Variants in TAMM41 observed in about 807,000 individuals in gnomAD.
TAMM41 encodes phosphatidate cytidylyltransferase, mitochondrial.
TAMM41 carries 36 observed loss-of-function variants against 44.1 expected under a neutral mutation model. That is an observed-to-expected ratio of 0.82 (90% CI 0.63 to 1.08). The LOEUF (loss-of-function observed/expected upper bound fraction) is 1.08, where lower values mean the gene tolerates loss of function less well. Among genes scored for constraint, TAMM41 ranks in the 50% least tolerant of loss-of-function variants. The pLI is 0.00. For missense variants in TAMM41, 417 were observed against 404.3 expected (o/e 1.03, Z -0.27); for synonymous variants, 164 against 153.1 (o/e 1.07, Z -0.53).
chr3:11,841,490 G>A (rs1455127955), intron 2 of TAMM41, among the ~76,000 whole-genome samples: 1 of 152,156 alleles, frequency 6.6e-6, no homozygotes, highest in Admixed American at 6.5e-5. Context: ...CTGAACCTCA[G>A]TATCCAAACA....
At chr3:11,836,925 G>A (rs1167146547) in intron 3 of TAMM41, among the ~76,000 whole-genome samples, 1 of 152,236 alleles carries the variant, frequency 6.6e-6, no homozygotes, top group Non-Finnish European at 1.5e-5. Context: ...ATTTCAGTAA[G>A]CCTATCATTT....
chr3:11,786,768 T>G (rs1032724881), downstream of TAMM41, among the ~76,000 whole-genome samples: 1 of 151,882 alleles, frequency 6.6e-6, no homozygotes, highest in Non-Finnish European at 1.5e-5. Context: ...ATTTTAAAGT[T>G]TTTGTAGAGA....
At chr3:11,823,147 T>C (rs2125007857) in intron 4 of TAMM41, among the ~76,000 whole-genome samples, 1 of 152,358 alleles carries the variant, frequency 6.6e-6, no homozygotes. Flanking sequence ...TAACAACTTT[T>C]CATGTGCTTA....
chr3:11,795,534 A>T (rs923870342), intron 7 of TAMM41, among the ~76,000 whole-genome samples: 1 of 152,172 alleles, frequency 6.6e-6, no homozygotes, highest in Non-Finnish European at 1.5e-5. Context: ...CTCCCTCGCA[A>T]TAGGTTTACT....
chr3:11,767,626 AT>A, the TAMM41 span, among the ~76,000 whole-genome samples: 117 of 60,700 alleles, frequency 1.9e-3, 10 homozygotes, highest in Admixed American at 5.6e-3. Flanking sequence ...CACGTTGTGC[AT>A]TTTTTTTTTT....
the TAMM41 span, among the ~76,000 whole-genome samples, chr3:11,764,801 C>T: frequency 6.6e-6 from 1 of 152,102 alleles, no homozygotes; most frequent in East Asian, 1.9e-4. Context: ...CCATCTTACT[C>T]TTTTTCAATA....
rs142267918 is a variant in TAMM41, at chr3:11,846,638, G to A, written c.-2C>T. On this transcript the variant is annotated 5_prime_UTR_variant, in exon 1 of 8. Coordinates refer to ENST00000455809, the MANE Select transcript of TAMM41 (RefSeq NM_001284401.2). ...GCTCTGCAGCGTCTGCAGCGCCATGGGGTCGAGGCTAACAGGGGACACTCA... is the reference window on the plus strand; with the variant it reads ...GCTCTGCAGCGTCTGCAGCGCCATGAGGTCGAGGCTAACAGGGGACACTCA... 1 of 1,614,184 alleles carries A rather than the reference G, an allele frequency of 6.2e-7. No homozygotes were observed. The highest frequency in any genetic ancestry group is 1.3e-5 in the African/African-American group (1 of 75,056).
In TAMM41 at chr3:11,832,364, G is replaced by A. The variant is rs553581203; in HGVS notation, c.412-2500C>T. On this transcript the variant is annotated intron_variant, in intron 3 of 7. Transcript: ENST00000455809. ...GCCAATTACTACGTTGAAGGCAGGC[G>A]AATGATGTGAAGTGTAAGCACGGTA... 1.2e-3 allele frequency among the ~76,000 whole-genome samples: 190 copies of A among 152,090 alleles called. 1 individual carries two copies. Among genetic ancestry groups the A allele is most frequent in the Admixed American group, 4.1e-3 (62 of 15,278 alleles).
downstream of TAMM41, among the ~76,000 whole-genome samples, chr3:11,785,471 AC>A (rs1484894665): frequency 6.6e-6 from 1 of 151,788 alleles, no homozygotes; most frequent in African/African-American, 2.4e-5. Flanking sequence ...GACTACAGGC[AC>A]CCCCTACCAT....
intron 5 of TAMM41, 145 bp downstream of exon 5, chr3:11,817,047 A>T: frequency 1.2e-6 from 1 of 800,778 alleles, no homozygotes; most frequent in Non-Finnish European, 1.8e-6. Flanking sequence ...TATTCCAGAT[A>T]CACAGAAGCC....
At chr3:11,775,221 C>T in the TAMM41 span, among the ~76,000 whole-genome samples, 1 of 8,264 alleles carries the variant, frequency 1.2e-4, no homozygotes. Flanking sequence ...GGTTGGGGGA[C>T]ACACAAATTC....
At chr3:11,794,722 T>C (rs752393301) in intron 7 of TAMM41, among the ~76,000 whole-genome samples, 17 of 152,178 alleles carry the variant, frequency 1.1e-4, no homozygotes, top group Non-Finnish European at 2.1e-4. Flanking sequence ...CGTAAGACTA[T>C]GAACTCCCCG....
the TAMM41 span, among the ~76,000 whole-genome samples, chr3:11,773,990 G>A: frequency 6.6e-6 from 1 of 152,184 alleles, no homozygotes; most frequent in East Asian, 1.9e-4. Flanking sequence ...TTGGGAGGCT[G>A]AGGCAGGAGA....
intron 1 of TAMM41, chr3:11,845,066 A>G: frequency 2.2e-6 from 1 of 448,778 alleles, no homozygotes; most frequent in Non-Finnish European, 4.5e-6. Flanking sequence ...TATGGGAGCC[A>G]GCATGTTCTG....
intron 7 of TAMM41, among the ~76,000 whole-genome samples, chr3:11,791,477 G>A (rs747261583): frequency 6.6e-6 from 1 of 152,178 alleles, no homozygotes; most frequent in South Asian, 2.1e-4. Context: ...CCTTTGTGTT[G>A]AGGGTGGGAT....
intron 5 of TAMM41, among the ~76,000 whole-genome samples, chr3:11,815,473 G>GA (rs1575649490): frequency 6.6e-6 from 1 of 152,064 alleles, no homozygotes; most frequent in Non-Finnish European, 1.5e-5. Flanking sequence ...CTAAGCAACT[G>GA]AAAAAATAAG....
the TAMM41 span, among the ~76,000 whole-genome samples, chr3:11,776,847 C>T: frequency 2.0e-5 from 3 of 152,082 alleles, no homozygotes; most frequent in Non-Finnish European, 2.9e-5. Flanking sequence ...TTGCCATTTG[C>T]GACAACATGG....
At chr3:11,722,074 C>T in the TAMM41 span, 3 of 152,180 alleles carry the variant, frequency 2.0e-5, no homozygotes, top group Admixed American at 6.5e-5. Context: ...ATCTTTATGA[C>T]AACATTGCCA....
At chr3:11,785,018 G>A in the TAMM41 span, among the ~76,000 whole-genome samples, 4 of 152,104 alleles carry the variant, frequency 2.6e-5, no homozygotes, top group African/African-American at 9.6e-5. Flanking sequence ...CACGTTGGGT[G>A]GAAACAGGAA....
Sources: gnomAD v4.1 joint callset for allele counts (sites outside exome capture counted in the v4.1 genomes callset) on GRCh38, gnomAD v4.1.1 for gene constraint, MANE v1.5 for transcripts, NCBI Gene and HGNC (gene_info 2026-07-23, HGNC 2026-07-21) for gene names.